The following ROBO1 variants were observed in gnomAD, a reference collection of about 807,000 sequenced individuals.
ROBO1 encodes the protein roundabout homolog 1.
ROBO1 carries 149 observed loss-of-function variants against 195.9 expected under a neutral mutation model. That is an observed-to-expected ratio of 0.76 (90% CI 0.67 to 0.87). The LOEUF is 0.87. Ranked by LOEUF, ROBO1 falls within the 40% of genes least tolerant of loss-of-function variation. The pLI is 0.00. For missense variants in ROBO1, 1,933 were observed against 2,068.3 expected, an observed-to-expected ratio of 0.93 and a Z score of 1.27; for synonymous variants, 816 against 733.2, an observed-to-expected ratio of 1.11 and a Z score of -1.82.
At chr3:79,447,013 T>A (rs1402134186) in intron 2 of ROBO1, among the ~76,000 whole-genome samples, 1 of 151,562 alleles carries the variant, frequency 6.6e-6, no homozygotes, top group African/African-American at 2.4e-5. Context: ...TTTTTTTTAG[T>A]AGAGACGGGG....
intron 2 of ROBO1, among the ~76,000 whole-genome samples, chr3:79,441,037 T>G (rs1032731842): frequency 1.3e-5 from 2 of 152,134 alleles, no homozygotes; most frequent in African/African-American, 4.8e-5. Flanking sequence ...ATTTAACTAG[T>G]CATGCTTATT....
At chr3:79,136,778 A>G (rs1412949164) in intron 2 of ROBO1, among the ~76,000 whole-genome samples, 1 of 151,988 alleles carries the variant, frequency 6.6e-6, no homozygotes, top group Non-Finnish European at 1.5e-5. Context: ...TATCTGTCCC[A>G]TTTTTTTGAA....
At chr3:79,657,256 A>G (rs912046831) in intron 1 of ROBO1, among the ~76,000 whole-genome samples, 1 of 152,100 alleles carries the variant, frequency 6.6e-6, no homozygotes, top group Non-Finnish European at 1.5e-5. Flanking sequence ...TAATCTCAAA[A>G]GAAGAAATAC....
rs896128552 is a variant in ROBO1, at chr3:79,708,627, G to A, written c.-51+59125C>T. ...ACTGTAATTGCAGCACTTCGGGAGG[G>A]AAAGGTAAAAGACTTGCTTAAGCCC... is the stretch of plus-strand genomic sequence containing the variant. On this transcript the variant is annotated intron_variant, in intron 1 of 30. Coordinates refer to ENST00000464233, the MANE Select transcript of ROBO1 (RefSeq NM_002941.4). 2.6e-5 allele frequency among the ~76,000 whole-genome samples: 4 copies of A among 152,234 alleles called. No homozygotes were observed. The East Asian group carries it at 7.7e-4, about 29-fold the overall frequency.
chr3:79,493,474 A>G (rs1480824422), intron 2 of ROBO1, among the ~76,000 whole-genome samples: 1 of 152,076 alleles, frequency 6.6e-6, no homozygotes, highest in Non-Finnish European at 1.5e-5. Flanking sequence ...ACCTAAGGAT[A>G]TCAAAATAAA....
At chr3:79,274,212 C>T (rs11918896) in intron 2 of ROBO1, among the ~76,000 whole-genome samples, 23,954 of 151,870 alleles carry the variant, frequency 0.16, 1,931 homozygotes, top group African/African-American at 0.19. Context: ...ACAGAATACA[C>T]ATTGATCACC....
intron 22 of ROBO1, 150 bp from the exon 23 acceptor site, chr3:78,636,258 A>C: frequency 1.8e-6 from 1 of 550,738 alleles, no homozygotes; most frequent in Non-Finnish European, 3.2e-6. Flanking sequence ...CCAAATATCC[A>C]CATGTGCTTT....
chr3:79,330,273 GTA>G lies in ROBO1; in HGVS notation c.89-204736_89-204735del, dbSNP rs34794861. ...CTTAAAGTATAATATGTATATATAT[GTA>G]TATATATATATATATATAAAGAATT... On this transcript the variant is annotated intron_variant, in intron 2 of 30. Transcript: ENST00000464233. Among the ~76,000 whole-genome samples, 371 of 137,786 alleles carry G rather than the reference GTA, an allele frequency of 2.7e-3. 1 individual carries two copies. Among genetic ancestry groups the G allele is most frequent in the African/African-American group, 6.8e-3 (257 of 37,878 alleles). 90.4% of individuals were successfully genotyped at this position (137,786 alleles called of 152,430 possible). A position where few individuals can be genotyped will look rare whatever the true frequency, so the allele number is the denominator to read the frequency against.
intron 4 of ROBO1, among the ~76,000 whole-genome samples, chr3:78,796,645 A>C (rs888189323): frequency 1.3e-5 from 2 of 152,102 alleles, no homozygotes; most frequent in African/African-American, 4.8e-5. Flanking sequence ...ATTTACTTTC[A>C]AGTCTCTTCA....
Position 79,528,725 on chromosome 3 carries a change from T to A in ROBO1, c.88+61099A>T, listed in dbSNP as rs576757204. On this transcript the variant is annotated intron_variant, in intron 2 of 30. Transcript: ENST00000464233. ...TTAAAATGATTCTCATTCATAACCATGTAATTTTAAAACCTGTTAAAAGTA... is the reference window on the plus strand; with the variant it reads ...TTAAAATGATTCTCATTCATAACCAAGTAATTTTAAAACCTGTTAAAAGTA... Among the ~76,000 whole-genome samples, 76 of 152,290 alleles carry A rather than the reference T, an allele frequency of 5.0e-4. No homozygotes were observed. In the South Asian group the frequency reaches 8.3e-3, roughly 17 times the overall value.
intron 2 of ROBO1, among the ~76,000 whole-genome samples, chr3:79,289,981 C>T (rs1262703353): frequency 1.3e-4 from 20 of 151,982 alleles, no homozygotes; most frequent in Non-Finnish European, 2.9e-5. Context: ...AAAAATTGAC[C>T]TTGAAATCCT....
rs539945107 is a variant in ROBO1, at chr3:79,479,352, G to T, written c.88+110472C>A. Among the ~76,000 whole-genome samples the T allele has an allele frequency of 2.6e-3, 391 of 152,214 alleles. 1 individual carries two copies. Among genetic ancestry groups the T allele is most frequent in the African/African-American group, 8.1e-3 (338 of 41,534 alleles). ...TGTGCAGGCTAGATCCCTCGCATGC[G>T]CACTTCACAATAGGGTTCACATTCC... is the stretch of plus-strand genomic sequence containing the variant. On this transcript the variant is annotated intron_variant, in intron 2 of 30. Coordinates refer to ENST00000464233, the MANE Select transcript of ROBO1 (RefSeq NM_002941.4).
intron 2 of ROBO1, among the ~76,000 whole-genome samples, chr3:79,227,667 C>A (rs1339219818): frequency 6.6e-6 from 1 of 152,142 alleles, no homozygotes; most frequent in African/African-American, 2.4e-5. Context: ...ATCTCTCTAC[C>A]TCCAGTGCCA....
At chr3:78,830,734 G>C (rs562685039) in intron 4 of ROBO1, among the ~76,000 whole-genome samples, 38 of 152,234 alleles carry the variant, frequency 2.5e-4, no homozygotes, top group African/African-American at 9.1e-4. Context: ...CTGTGAATTA[G>C]TAGAGGCAAC....
At chr3:79,557,494 G>A (rs1333689797) in intron 2 of ROBO1, among the ~76,000 whole-genome samples, 2 of 151,880 alleles carry the variant, frequency 1.3e-5, no homozygotes, top group Admixed American at 6.6e-5. Context: ...CACCACTTCA[G>A]AGGCTGAGGG....
chr3:78,651,088 AAAT>A (rs1462916754), intron 19 of ROBO1, among the ~76,000 whole-genome samples: 4 of 152,222 alleles, frequency 2.6e-5, no homozygotes, highest in Admixed American at 6.6e-5. Context: ...TTAAAATTGT[AAAT>A]AATAATAGTG....
chr3:78,832,849 A>G (rs2032354316), intron 4 of ROBO1, among the ~76,000 whole-genome samples: 1 of 152,072 alleles, frequency 6.6e-6, no homozygotes. Flanking sequence ...CTTGGTATAG[A>G]GCACAACCCA....
intron 4 of ROBO1, among the ~76,000 whole-genome samples, chr3:78,788,785 AAAATT>A (rs1224472631): frequency 2.5e-4 from 38 of 151,890 alleles, no homozygotes; most frequent in African/African-American, 8.2e-4. Context: ...TGACACAGCT[AAAATT>A]AAATCCAAAA....
intron 3 of ROBO1, among the ~76,000 whole-genome samples, chr3:79,111,197 T>C (rs1408644531): frequency 6.6e-6 from 1 of 152,206 alleles, no homozygotes; most frequent in African/African-American, 2.4e-5. Context: ...ACAGAGAATC[T>C]CTTTTGTCTA....
Sources: gnomAD v4.1 joint callset for allele counts (sites outside exome capture counted in the v4.1 genomes callset) on GRCh38, gnomAD v4.1.1 for gene constraint, MANE v1.5 for transcripts, NCBI Gene and HGNC (gene_info 2026-07-23, HGNC 2026-07-21) for gene names.